The following SERAC1 variants were observed in gnomAD, a reference collection of about 807,000 sequenced individuals.
SERAC1 encodes the protein serine active site containing 1.
SERAC1 carries 36 observed loss-of-function variants against 85.7 expected under a neutral mutation model. That is an observed-to-expected ratio of 0.42 (90% CI 0.32 to 0.55). The LOEUF is 0.55. Ranked by LOEUF, SERAC1 falls within the 20% of genes least tolerant of loss-of-function variation. SERAC1 has a pLI of 0.11. For synonymous variants in SERAC1, 242 were observed against 265.3 expected, an observed-to-expected ratio of 0.91 and a Z score of 0.85; for missense variants, 629 against 796.2, an observed-to-expected ratio of 0.79 and a Z score of 2.53.
intron 8 of SERAC1, among the ~76,000 whole-genome samples, chr6:158,136,682 C>CAGCA (rs1285834843): frequency 6.6e-6 from 1 of 152,122 alleles, no homozygotes; most frequent in African/African-American, 2.4e-5. Context: ...TATATAGAAA[C>CAGCA]AGCACACTGA....
chr6:158,121,317 T>G (rs922068708), intron 10 of SERAC1, among the ~76,000 whole-genome samples: 5 of 152,260 alleles, frequency 3.3e-5, no homozygotes, highest in African/African-American at 1.2e-4. Flanking sequence ...TATATCTATT[T>G]TCTGAAGTAC....
Position 158,128,255 on chromosome 6 carries a change from C to T in SERAC1, c.868G>A (p.Asp290Asn), listed in dbSNP as rs1784593383. 6.2e-7 allele frequency: 1 copy of T among 1,613,762 alleles called. No individual in the cohort carries two copies. Among genetic ancestry groups the T allele is most frequent in the African/African-American group, 1.3e-5 (1 of 74,894 alleles). The change falls in exon 10 of 17, where the codon GAT becomes AAT. Residue 290 changes from aspartate (D) to asparagine (N), a missense_variant. Physicochemically the swap from Asp to Asn is conservative, Grantham distance 23 (BLOSUM62 1). Coordinates refer to ENST00000647468, the MANE Select transcript of SERAC1 (RefSeq NM_032861.4). ...AGGCCTCCATTTGCTTCGATTTTAT[C>T]ACAATGTGTGGATATCTGGCACAAT... ...VKHSEISTHC[D>N]KIEANGGLQL...
Position 158,128,151 on chromosome 6 carries a change from A to G in SERAC1, c.972T>C (p.Asn324=). Residue 324 remains asparagine (N), a synonymous_variant, in exon 10 of 17, where the codon AAT becomes AAC. Coordinates refer to ENST00000647468, the MANE Select transcript of SERAC1 (RefSeq NM_032861.4). ...AATGAAGATGTTCATTCAAAGCCATATTTCCAATGACACGCATTATATTTC... is the reference window on the plus strand; with the variant it reads ...AATGAAGATGTTCATTCAAAGCCATGTTTCCAATGACACGCATTATATTTC... ...VQRNIMRVIG[N]MALNEHLHSS... is the part of the protein sequence containing the mutation. 6.2e-7 allele frequency: 1 copy of G among 1,614,114 alleles called. No individual in the cohort carries two copies. The highest frequency in any genetic ancestry group is 8.5e-7 in the Non-Finnish European group (1 of 1,180,008).
At chr6:158,132,052 GAGA>G (rs1248722064) in intron 8 of SERAC1, among the ~76,000 whole-genome samples, 1 of 152,150 alleles carries the variant, frequency 6.6e-6, no homozygotes, top group East Asian at 1.9e-4. Flanking sequence ...AAGGAATGGA[GAGA>G]AGATGTATTG....
At chr6:158,126,915 C>T (rs1452085663) in intron 10 of SERAC1, among the ~76,000 whole-genome samples, 1 of 151,908 alleles carries the variant, frequency 6.6e-6, no homozygotes, top group Non-Finnish European at 1.5e-5. Context: ...TAGCCATGCA[C>T]AATGGCACGT....
chr6:158,119,312 G>T lies in SERAC1; in HGVS notation c.1167-142C>A. On this transcript the variant is annotated intron_variant, in intron 11 of 16. Coordinates refer to ENST00000647468, the MANE Select transcript of SERAC1 (RefSeq NM_032861.4). The surrounding 1 kb of genome is among the most constrained non-coding windows in gnomAD (Gnocchi z 4.5). ...AATTAAAGCAAGCTCTATAAGCACA[G>T]GTTTGCTGGGAAAACCTAGAAGGAG... 2 of 992,654 alleles carry T rather than the reference G, an allele frequency of 2.0e-6. No individual in the cohort carries two copies. Among genetic ancestry groups the T allele is most frequent in the Non-Finnish European group, 2.8e-6 (2 of 712,862 alleles). The allele number at this position is 992,654 out of a possible 1,614,324, so 61.5% of individuals were successfully genotyped here. A position where few individuals can be genotyped will look rare whatever the true frequency, so the allele number is the denominator to read the frequency against.
At chr6:158,123,046 A>G (rs1784457534) in intron 10 of SERAC1, among the ~76,000 whole-genome samples, 2 of 152,232 alleles carry the variant, frequency 1.3e-5, no homozygotes, top group African/African-American at 4.8e-5. Flanking sequence ...GATACAAAAT[A>G]TATAAAAAGA....
Position 158,113,420 on chromosome 6 carries a change from C to T in SERAC1, c.1828+29G>A. The T allele has an allele frequency of 6.3e-7, 1 of 1,590,420 alleles. No homozygotes were observed. Among genetic ancestry groups the T allele is most frequent in the South Asian group, 1.1e-5 (1 of 88,216 alleles). ...ATGCTAGGTATAATTAAGCATCTAA[C>T]AGCCAACAAGTTTCAAAAGAGTGAA... On this transcript the variant is annotated intron_variant, in intron 16 of 16. Transcript: ENST00000647468.
chr6:158,152,371 C>T (rs1766081198), intron 3 of SERAC1, among the ~76,000 whole-genome samples: 1 of 152,132 alleles, frequency 6.6e-6, no homozygotes, highest in Non-Finnish European at 1.5e-5. Flanking sequence ...CAAAACTTAG[C>T]CAGGCATGGT....
At chr6:158,163,113 C>T (rs536581705) in intron 1 of SERAC1, among the ~76,000 whole-genome samples, 4 of 152,174 alleles carry the variant, frequency 2.6e-5, no homozygotes, top group African/African-American at 9.7e-5. Context: ...CAAGTACCAA[C>T]TGACAGCCAG....
In SERAC1 at chr6:158,119,318, C is replaced by CAAACCTG; in HGVS notation, c.1167-149_1167-148insCAGGTTT. ...AGCAAGCTCTATAAGCACAGGTTTGCTGGGAAAACCTAGAAGGAGCTTTGG... is the reference window on the plus strand; with the variant it reads ...AGCAAGCTCTATAAGCACAGGTTTGCAAACCTGTGGGAAAACCTAGAAGGAGCTTTGG... On this transcript the variant is annotated intron_variant, in intron 11 of 16. Coordinates refer to ENST00000647468, the MANE Select transcript of SERAC1 (RefSeq NM_032861.4). This position sits in a 1 kb window ranked among gnomAD's most constrained non-coding sequence, Gnocchi z 4.5. 2.2e-6 allele frequency: 2 copies of CAAACCTG among 922,598 alleles called. No individual in the cohort carries two copies. Among genetic ancestry groups the CAAACCTG allele is most frequent in the Non-Finnish European group, 3.1e-6 (2 of 649,788 alleles). 57.2% of individuals were successfully genotyped at this position (922,598 alleles called of 1,614,324 possible).
intron 10 of SERAC1, among the ~76,000 whole-genome samples, chr6:158,122,923 G>T (rs142859627): frequency 6.6e-6 from 1 of 152,074 alleles, no homozygotes; most frequent in Non-Finnish European, 1.5e-5. Flanking sequence ...ATAGTATTAC[G>T]TCACATGAGT....
At chr6:158,123,902 T>C (rs147408249) in intron 10 of SERAC1, among the ~76,000 whole-genome samples, 1 of 152,158 alleles carries the variant, frequency 6.6e-6, no homozygotes, top group African/African-American at 2.4e-5. Context: ...CCTTATGGGG[T>C]AGATGCAAAA....
chr6:158,155,947 C>T (rs371576315), intron 2 of SERAC1, among the ~76,000 whole-genome samples: 17 of 152,208 alleles, frequency 1.1e-4, no homozygotes, highest in African/African-American at 4.1e-4. Flanking sequence ...GAGTTCGAGA[C>T]CAGCCTGGCC....
At chr6:158,113,746 C>T (rs1278538675) in intron 15 of SERAC1, among the ~76,000 whole-genome samples, 154 bp from the exon 16 acceptor site, 1 of 152,130 alleles carries the variant, frequency 6.6e-6, no homozygotes, top group African/African-American at 2.4e-5. Flanking sequence ...CAAGAAGCCA[C>T]TAAGATTCAA....
At chr6:158,153,828 T>G (rs932444705) in intron 3 of SERAC1, among the ~76,000 whole-genome samples, 1 of 151,972 alleles carries the variant, frequency 6.6e-6, no homozygotes, top group African/African-American at 2.4e-5. Context: ...CAAAGAAGCC[T>G]CTTTAGAATC....
At chr6:158,130,316 T>C (rs1416223296) in intron 9 of SERAC1, 57 bp downstream of exon 9, 1 of 976,250 alleles carries the variant, frequency 1.0e-6, no homozygotes, top group African/African-American at 1.7e-5. Context: ...AATCAACCTA[T>C]ATAATTATTT....
chr6:158,117,238 G>C lies in SERAC1; in HGVS notation c.1403+489C>G, dbSNP rs970453002. ...CGGAAAAGTTAACTGACTGGTCTAA[G>C]ACTGCACAGCAAATCAAAGGTAGGA... On this transcript the variant is annotated intron_variant, in intron 13 of 16. Coordinates refer to ENST00000647468, the MANE Select transcript of SERAC1 (RefSeq NM_032861.4). The surrounding 1 kb of genome is among the most constrained non-coding windows in gnomAD (Gnocchi z 4.3). The C allele has an allele frequency of 4.5e-6, 2 of 443,530 alleles. No individual in the cohort carries two copies. The highest frequency in any genetic ancestry group is 3.8e-5 in the East Asian group (1 of 26,124). The allele number at this position is 443,530 out of a possible 1,614,324, so 27.5% of individuals were successfully genotyped here.
chr6:158,163,645 T>C (rs1250738698), intron 1 of SERAC1, among the ~76,000 whole-genome samples: 3 of 152,360 alleles, frequency 2.0e-5, no homozygotes, highest in African/African-American at 7.2e-5. Context: ...CCTAATGGAA[T>C]ACATATGTAT....
Sources: gnomAD v4.1 joint callset for allele counts (sites outside exome capture counted in the v4.1 genomes callset) on GRCh38, gnomAD v4.1.1 for gene constraint, Gnocchi (gnomAD v3.1) non-coding constraint, MANE v1.5 for transcripts, NCBI Gene and HGNC (gene_info 2026-07-23, HGNC 2026-07-21) for gene names.